Variants in GRHL1 observed in about 807,000 individuals in gnomAD.
GRHL1 encodes grainyhead like transcription factor 1.
In GRHL1, 38 loss-of-function variants were observed where a neutral mutation model predicts 75.7. That is an observed-to-expected ratio of 0.50 (90% CI 0.39 to 0.66). GRHL1 has a LOEUF of 0.66. GRHL1 is among the 30% of genes least tolerant of loss of function. The pLI is 0.00. For synonymous variants in GRHL1, 266 were observed against 279.4 expected (o/e 0.95, Z 0.48); for missense variants, 589 against 767.5 (o/e 0.77, Z 2.75).
chr2:9,996,962 G>A (rs1668888597), intron 14 of GRHL1, among the ~76,000 whole-genome samples: 7 of 152,224 alleles, frequency 4.6e-5, no homozygotes, highest in Admixed American at 4.6e-4. Flanking sequence ...ATGGAAGGCT[G>A]CTGTGTTAAT....
chr2:9,958,335 C>T (rs962744468), intron 2 of GRHL1, among the ~76,000 whole-genome samples: 2 of 151,936 alleles, frequency 1.3e-5, no homozygotes, highest in Admixed American at 6.6e-5. Context: ...CATGCTACCA[C>T]GCCTGGCTAA....
chr2:9,998,791 TGTACAC>T (rs1669101487), intron 14 of GRHL1, among the ~76,000 whole-genome samples, 168 bp from the exon 15 acceptor site: 1 of 43,684 alleles, frequency 2.3e-5, no homozygotes, highest in Non-Finnish European at 4.0e-5. Context: ...CGTATATATA[TGTACAC>T]ACATATATAT....
chr2:9,959,974 C>T (rs952822736), intron 3 of GRHL1: 10 of 152,112 alleles, frequency 6.6e-5, no homozygotes. Context: ...CTCAATTTGC[C>T]TGTTTCTTGA....
intron 8 of GRHL1, 111 bp from the exon 9 acceptor site, chr2:9,986,013 C>T (rs770497510): frequency 2.2e-4 from 158 of 713,932 alleles, no homozygotes; most frequent in Non-Finnish European, 3.1e-4. Context: ...AGAAGCTGAG[C>T]TTCTCATTTA....
At chr2:9,953,966 T>C (rs997021863) in intron 1 of GRHL1, among the ~76,000 whole-genome samples, 6 of 152,238 alleles carry the variant, frequency 3.9e-5, no homozygotes, top group Non-Finnish European at 5.9e-5. Flanking sequence ...TATTGACTTA[T>C]TAAATAGTAC....
At chr2:9,999,560 A>G (rs1231270224) in intron 15 of GRHL1, among the ~76,000 whole-genome samples, 3 of 152,246 alleles carry the variant, frequency 2.0e-5, no homozygotes, top group Non-Finnish European at 4.4e-5. Context: ...GCTGAGGCTC[A>G]GAGTTCAAGA....
chr2:9,975,016 G>A (rs1049981934), intron 8 of GRHL1, among the ~76,000 whole-genome samples: 5 of 152,312 alleles, frequency 3.3e-5, no homozygotes, highest in Admixed American at 2.0e-4. Context: ...ATGTTTGATT[G>A]GGTCGTATTT....
intron 5 of GRHL1, among the ~76,000 whole-genome samples, chr2:9,963,307 A>G (rs923336364): frequency 5.3e-5 from 8 of 152,242 alleles, no homozygotes; most frequent in Non-Finnish European, 8.8e-5. Context: ...AGCCATAGGT[A>G]ATGTGTAAAC....
chr2:9,951,886 GGGGGCCGCGCTGA>G lies in GRHL1; in HGVS notation c.20+42_20+54del. On this transcript the variant is annotated intron_variant, in intron 1 of 15. Transcript: ENST00000324907. The surrounding 1 kb of genome is among the most constrained non-coding windows in gnomAD (Gnocchi z 4.2). Reference sequence around the variant, plus strand: ...AGGCGCAGGAGTCCGGCCGCCGCGGGGGGGCCGCGCTGAGGGGCCGCACCTGCAGCGAGCGAGC... The same window carrying G: ...AGGCGCAGGAGTCCGGCCGCCGCGGGGGGGCCGCACCTGCAGCGAGCGAGC... 6 of 1,422,326 alleles carry G rather than the reference GGGGGCCGCGCTGA, an allele frequency of 4.2e-6. No individual in the cohort carries two copies. The highest frequency in any genetic ancestry group is 5.6e-6 in the Non-Finnish European group (6 of 1,073,610). The allele number at this position is 1,422,326 out of a possible 1,614,324, so 88.1% of individuals were successfully genotyped here.
rs559715006 is a variant in GRHL1 at position 9,990,655 on chromosome 2, T to C, written c.1270-41T>C. The C allele has an allele frequency of 3.8e-5, 50 of 1,308,936 alleles. No individual in the cohort carries two copies. The Middle Eastern group carries it at 5.6e-4, about 15-fold the overall frequency. 81.1% of individuals were successfully genotyped at this position (1,308,936 alleles called of 1,614,324 possible). On this transcript the variant is annotated intron_variant, in intron 9 of 15. Coordinates refer to ENST00000324907, the MANE Select transcript of GRHL1 (RefSeq NM_198182.3). The surrounding 1 kb of genome is among the most constrained non-coding windows in gnomAD (Gnocchi z 4.2). The stretch of plus-strand genomic sequence containing the variant: ...TAAGAGTTAAATATTTTAAAGAAGA[T>C]TGGAAAACAGAATCATATCTTGTCT...
At chr2:9,971,866 T>C (rs1056407149) in intron 8 of GRHL1, among the ~76,000 whole-genome samples, 1 of 152,188 alleles carries the variant, frequency 6.6e-6, no homozygotes, top group African/African-American at 2.4e-5. Context: ...CTGGGGGTGA[T>C]TGTGAGGATG....
At chr2:9,971,855 T>C (rs1398300952) in intron 8 of GRHL1, among the ~76,000 whole-genome samples, 5 of 152,220 alleles carry the variant, frequency 3.3e-5, no homozygotes, top group African/African-American at 9.6e-5. Flanking sequence ...AAGCTGCTGT[T>C]CTGGGGGTGA....
intron 14 of GRHL1, among the ~76,000 whole-genome samples, chr2:9,997,351 G>T (rs2125247998): frequency 6.6e-6 from 1 of 152,282 alleles, no homozygotes; most frequent in South Asian, 2.1e-4. Flanking sequence ...GCGTGGGTTT[G>T]GGGAGCTGCT....
chr2:9,953,615 T>C (rs1666893835), intron 1 of GRHL1, among the ~76,000 whole-genome samples: 1 of 152,204 alleles, frequency 6.6e-6, no homozygotes, highest in African/African-American at 2.4e-5. Context: ...ACACTTCATT[T>C]TGACTGAGGA....
intron 7 of GRHL1, 173 bp from the exon 8 acceptor site, chr2:9,965,114 A>T: frequency 1.9e-6 from 1 of 532,240 alleles, no homozygotes; most frequent in Non-Finnish European, 3.3e-6. Context: ...TATTACAAAA[A>T]CTCTGTGATT....
intron 1 of GRHL1, chr2:9,953,013 A>G (rs912686048): frequency 4.4e-6 from 2 of 456,796 alleles, no homozygotes; most frequent in African/African-American, 2.0e-5. Context: ...CGGCGACTGA[A>G]GCCTACTTCC....
chr2:9,968,385 G>C lies in GRHL1; in HGVS notation c.1110+3004G>C, dbSNP rs6741117. On this transcript the variant is annotated intron_variant, in intron 8 of 15. Transcript: ENST00000324907. This position sits in a 1 kb window ranked among gnomAD's most constrained non-coding sequence, Gnocchi z 4.7. The stretch of plus-strand genomic sequence containing the variant: ...AATGTCTCAGAAACAGGCCCTTAGT[G>C]GGATTTGTCTGCTGTGTAGACGTAT... 0.16 allele frequency among the ~76,000 whole-genome samples: 24,601 copies of C among 152,232 alleles called. 2,440 individuals are homozygous for C. Among genetic ancestry groups the C allele is most frequent in the African/African-American group, 0.28 (11,484 of 41,530 alleles).
Position 9,998,994 on chromosome 2 carries a change from C to T in GRHL1, c.1707C>T (p.Asp569=). Residue 569 remains aspartate, a synonymous_variant, in exon 15 of 16, where the codon GAC becomes GAT. Coordinates refer to ENST00000324907, the MANE Select transcript of GRHL1 (RefSeq NM_198182.3). ...CAGACAAATACGATGTTCCCCATGA[C>T]AAGATTGGGAAAATATTCAAGAAGT... The part of the protein sequence containing the change: ...AISDKYDVPH[D]KIGKIFKKCK... 6.3e-7 allele frequency: 1 copy of T among 1,578,932 alleles called. No individual in the cohort carries two copies. Among genetic ancestry groups the T allele is most frequent in the Non-Finnish European group, 8.6e-7 (1 of 1,158,894 alleles).
intron 2 of GRHL1, among the ~76,000 whole-genome samples, chr2:9,957,403 A>G (rs1350510139): frequency 2.0e-5 from 3 of 148,146 alleles, no homozygotes; most frequent in South Asian, 4.2e-4. Context: ...TTGTTAATAC[A>G]TGAAGCAGTA....
Sources: allele counts gnomAD v4.1 joint callset (sites outside exome capture counted in the v4.1 genomes callset), GRCh38; gene constraint gnomAD v4.1.1; non-coding constraint Gnocchi (gnomAD v3.1); transcripts MANE v1.5; gene names NCBI Gene and HGNC (gene_info 2026-07-23, HGNC 2026-07-21).